XKR9: variants seen among roughly 807,000 people sequenced by gnomAD.
XKR9 encodes the protein XK related 9, also known as XK-related protein 9.
Under a neutral mutation model 32.0 loss-of-function variants are expected in XKR9, and 32 were observed. The observed-to-expected ratio is 1.00, with a 90% CI of 0.76 to 1.34. The LOEUF (loss-of-function observed/expected upper bound fraction) is 1.34. Among genes scored for constraint, XKR9 ranks in the 40% most tolerant of loss-of-function variants. The pLI, the probability that XKR9 is intolerant of heterozygous loss-of-function variation, is 0.00. For synonymous variants in XKR9, 168 were observed against 143.4 expected (o/e 1.17, Z -1.22); for missense variants, 546 against 429.7 (o/e 1.27, Z -2.39).
the XKR9 span, among the ~76,000 whole-genome samples, chr8:70,798,914 G>A: frequency 1.3e-5 from 2 of 152,136 alleles, no homozygotes; most frequent in African/African-American, 4.8e-5. Flanking sequence ...CTATGTGTCT[G>A]TTTTTGTACC....
the XKR9 span, among the ~76,000 whole-genome samples, chr8:70,840,052 G>C: frequency 1.3e-5 from 2 of 152,222 alleles, no homozygotes; most frequent in African/African-American, 2.4e-5. Flanking sequence ...TGGCTACTAG[G>C]GTGGGTACTT....
chr8:70,979,193 G>A, the XKR9 span, among the ~76,000 whole-genome samples: 2 of 152,096 alleles, frequency 1.3e-5, no homozygotes, highest in East Asian at 3.9e-4. Context: ...TCCTCCTTTA[G>A]CTCAGAGAAG....
chr8:70,931,732 G>T, the XKR9 span, among the ~76,000 whole-genome samples: 1 of 152,154 alleles, frequency 6.6e-6, no homozygotes, highest in African/African-American at 2.4e-5. Flanking sequence ...AGAGGGAGCA[G>T]GTATATCATG....
At chr8:70,835,444 C>T in the XKR9 span, among the ~76,000 whole-genome samples, 30 of 152,076 alleles carry the variant, frequency 2.0e-4, no homozygotes, top group African/African-American at 7.0e-4. Context: ...GGCTTACCTT[C>T]AGGCATTCAG....
At chr8:70,716,700 T>C (rs1012495263) in intron 4 of XKR9, among the ~76,000 whole-genome samples, 1 of 152,082 alleles carries the variant, frequency 6.6e-6, no homozygotes, top group Non-Finnish European at 1.5e-5. Context: ...AGCCAAACCA[T>C]ATCATTCCTC....
At chr8:70,815,989 A>G in the XKR9 span, among the ~76,000 whole-genome samples, 2 of 152,156 alleles carry the variant, frequency 1.3e-5, no homozygotes, top group South Asian at 4.1e-4. Context: ...AACAATTTAT[A>G]TTTCTTTGGG....
the XKR9 span, among the ~76,000 whole-genome samples, chr8:70,809,140 T>C: frequency 2.3e-3 from 343 of 152,278 alleles, no homozygotes; most frequent in Non-Finnish European, 3.6e-3. Flanking sequence ...TGTTCACCAA[T>C]ATCCGCTGTT....
chr8:70,725,032 A>G (rs1806416052), intron 4 of XKR9, among the ~76,000 whole-genome samples: 1 of 152,136 alleles, frequency 6.6e-6, no homozygotes, highest in East Asian at 1.9e-4. Flanking sequence ...AAGCAAACAC[A>G]TCCTTCTTTA....
At chr8:70,898,512 A>G in the XKR9 span, among the ~76,000 whole-genome samples, 4 of 152,230 alleles carry the variant, frequency 2.6e-5, no homozygotes, top group East Asian at 1.9e-4. Flanking sequence ...AAACTTTGCT[A>G]TATTGTACTG....
At chr8:70,879,350 A>G in the XKR9 span, among the ~76,000 whole-genome samples, 1 of 152,200 alleles carries the variant, frequency 6.6e-6, no homozygotes, top group African/African-American at 2.4e-5. Flanking sequence ...TCCCTTTAAA[A>G]AAAACAATGA....
At chr8:70,794,953 C>T (rs539967392), downstream of XKR9, among the ~76,000 whole-genome samples, 2 of 151,718 alleles carry the variant, frequency 1.3e-5, no homozygotes, top group East Asian at 1.9e-4. Context: ...AAAGAATTAA[C>T]GTTAATTATT....
chr8:71,014,697 G>A, the XKR9 span, among the ~76,000 whole-genome samples: 1,834 of 152,152 alleles, frequency 0.012, 37 homozygotes, highest in African/African-American at 0.041. Flanking sequence ...ATATCTTTTT[G>A]GGGGCCATCA....
intron 2 of XKR9, among the ~76,000 whole-genome samples, chr8:70,760,648 T>G (rs955322075): frequency 2.0e-5 from 3 of 152,332 alleles, no homozygotes; most frequent in Admixed American, 2.0e-4. Flanking sequence ...CATTTTTATG[T>G]GTATAATTCA....
intron 3 of XKR9, among the ~76,000 whole-genome samples, chr8:70,683,026 C>T (rs1819137277): frequency 6.6e-6 from 1 of 152,186 alleles, no homozygotes; most frequent in East Asian, 1.9e-4. Flanking sequence ...CAGCCCTTTG[C>T]TTGGGCAGAA....
At chr8:70,833,212 T>C in the XKR9 span, among the ~76,000 whole-genome samples, 1 of 152,172 alleles carries the variant, frequency 6.6e-6, no homozygotes, top group Admixed American at 6.5e-5. Flanking sequence ...AAAGAAAATT[T>C]AGTATTTAAC....
intron 2 of XKR9, among the ~76,000 whole-genome samples, chr8:70,680,278 G>A (rs1469218339): frequency 6.6e-6 from 1 of 152,086 alleles, no homozygotes; most frequent in East Asian, 1.9e-4. Flanking sequence ...CCTCTCAATT[G>A]TCATTTAGGT....
the XKR9 span, among the ~76,000 whole-genome samples, chr8:70,954,135 T>A: frequency 6.6e-6 from 1 of 151,972 alleles, no homozygotes; most frequent in Non-Finnish European, 1.5e-5. Flanking sequence ...GGAGTAAGGT[T>A]GGTGTTTTTT....
At chr8:71,016,774 A>G in the XKR9 span, among the ~76,000 whole-genome samples, 1 of 152,222 alleles carries the variant, frequency 6.6e-6, no homozygotes, top group African/African-American at 2.4e-5. Context: ...ACAATTAAAC[A>G]GGGAATTTGA....
At chr8:70,820,621 G>C in the XKR9 span, among the ~76,000 whole-genome samples, 1 of 152,210 alleles carries the variant, frequency 6.6e-6, no homozygotes, top group Non-Finnish European at 1.5e-5. Context: ...TTGACTCACA[G>C]TTCAACATGG....
Sources: gnomAD v4.1 joint callset for allele counts (sites outside exome capture counted in the v4.1 genomes callset) on GRCh38, gnomAD v4.1.1 for gene constraint, MANE v1.5 for transcripts, NCBI Gene and HGNC (gene_info 2026-07-23, HGNC 2026-07-21) for gene names.